The following CDC45 variants were observed in gnomAD, a reference collection of about 807,000 sequenced individuals.
CDC45 encodes cell division control protein 45 homolog.
CDC45 carries 54 observed loss-of-function variants against 77.8 expected under a neutral mutation model. The ratio of observed to expected loss-of-function variants is 0.69; its 90% CI spans 0.56 to 0.87. The LOEUF is 0.87. Ranked by LOEUF, CDC45 falls within the 40% of genes least tolerant of loss-of-function variation. CDC45 has a pLI of 0.00. For synonymous variants in CDC45, 260 were observed against 272.1 expected (o/e 0.96, Z 0.44); for missense variants, 649 against 721.6 (o/e 0.90, Z 1.15).
At chr22:19,496,079 A>G in intron 7 of CDC45, 50 bp downstream of exon 7, 4 of 1,242,726 alleles carry the variant, frequency 3.2e-6, no homozygotes, top group East Asian at 2.3e-5. Context: ...TCCAGGGGTC[A>G]GTGTCCTCAA....
intron 13 of CDC45, among the ~76,000 whole-genome samples, chr22:19,509,330 G>A (rs1933389501): frequency 6.6e-6 from 1 of 152,202 alleles, no homozygotes; most frequent in Admixed American, 6.5e-5. Context: ...AAGCTAGCTT[G>A]GAAACAATTC....
intron 9 of CDC45, among the ~76,000 whole-genome samples, chr22:19,504,342 C>A (rs1027157431): frequency 4.1e-4 from 62 of 152,142 alleles, no homozygotes; most frequent in African/African-American, 1.4e-3. Context: ...TCTTGTTGCC[C>A]AGGCTGCAGT....
At chr22:19,506,459 A>G (rs1933180670) in intron 10 of CDC45, among the ~76,000 whole-genome samples, 1 of 152,022 alleles carries the variant, frequency 6.6e-6, no homozygotes, top group South Asian at 2.1e-4. Flanking sequence ...GGCAGGGAGC[A>G]TGGTGGTCTG....
rs917210195 is a variant in CDC45 at position 19,505,357 on chromosome 22, T to TC, written c.705-3dup. The TC allele has an allele frequency of 6.2e-7, 1 of 1,613,878 alleles. No homozygotes were observed. Among genetic ancestry groups the TC allele is most frequent in the Non-Finnish European group, 8.5e-7 (1 of 1,180,016 alleles). The stretch of plus-strand genomic sequence containing the variant: ...AGCCGAGGCTTGTGCTACTTTTTTT[T>TC]CCAGAATGAAATACGTGACTGATGT... On this transcript the variant is annotated splice_region_variant and splice_polypyrimidine_tract_variant and intron_variant, in intron 9 of 18. Coordinates refer to ENST00000263201, the MANE Select transcript of CDC45 (RefSeq NM_003504.5).
chr22:19,487,235 T>C (rs1048170345), intron 5 of CDC45, among the ~76,000 whole-genome samples: 1 of 140,070 alleles, frequency 7.1e-6, no homozygotes, highest in Admixed American at 7.9e-5. Flanking sequence ...GAGGTTGTAG[T>C]GGGCCAAGAT....
intron 3 of CDC45, among the ~76,000 whole-genome samples, chr22:19,482,224 C>T (rs1256353923): frequency 6.6e-6 from 1 of 152,094 alleles, no homozygotes; most frequent in Non-Finnish European, 1.5e-5. Flanking sequence ...AGGACCCGCA[C>T]CAGCTTGGTA....
At chr22:19,517,938 A>G (rs970984758) in intron 17 of CDC45, among the ~76,000 whole-genome samples, 51 of 152,224 alleles carry the variant, frequency 3.4e-4, no homozygotes, top group African/African-American at 1.2e-3. Flanking sequence ...TTCTTGCCTC[A>G]TCACCACGGA....
intron 10 of CDC45, among the ~76,000 whole-genome samples, chr22:19,505,694 C>T (rs557473001): frequency 6.6e-5 from 10 of 152,354 alleles, no homozygotes; most frequent in African/African-American, 2.4e-4. Context: ...AAGTATCACC[C>T]TTCTCCAGCA....
intron 9 of CDC45, among the ~76,000 whole-genome samples, chr22:19,500,836 A>G (rs1384052110): frequency 6.6e-6 from 1 of 152,128 alleles, no homozygotes; most frequent in Non-Finnish European, 1.5e-5. Flanking sequence ...TCTCAGTGTA[A>G]CAGGTCTGTT....
rs765624313 is a variant in CDC45 at position 19,518,815 on chromosome 22, T to C, written c.1637-29T>C. On this transcript the variant is annotated intron_variant, in intron 17 of 18. Coordinates refer to ENST00000263201, the MANE Select transcript of CDC45 (RefSeq NM_003504.5). ...GTCTTGTGTTCCCACTCCTCCCTTC[T>C]CACGGCTGTTTTTCTTTCATTACTT... 3.7e-6 allele frequency: 6 copies of C among 1,603,090 alleles called. No individual in the cohort carries two copies. In the East Asian group the frequency reaches 1.3e-4, roughly 36 times the overall value.
chr22:19,500,756 A>G (rs751798960), intron 9 of CDC45, among the ~76,000 whole-genome samples: 2 of 152,120 alleles, frequency 1.3e-5, no homozygotes, highest in Admixed American at 1.3e-4. Context: ...GATGGATTGA[A>G]GATCTCCTCC....
At chr22:19,509,770 C>T (rs1348029837) in intron 13 of CDC45, among the ~76,000 whole-genome samples, 5 of 152,172 alleles carry the variant, frequency 3.3e-5, no homozygotes, top group African/African-American at 4.8e-5. Flanking sequence ...GCTTTTCTGG[C>T]TTCACAGAGC....
At chr22:19,479,774 C>G (rs4141528), upstream of CDC45, 26,998 of 656,392 alleles carry the variant, frequency 0.041, 1,074 homozygotes, top group East Asian at 0.11. Context: ...CTGGAGTTTT[C>G]TGGCCGTGAA....
intron 9 of CDC45, among the ~76,000 whole-genome samples, chr22:19,500,152 GT>G (rs2090314948): frequency 6.6e-6 from 1 of 152,194 alleles, no homozygotes; most frequent in South Asian, 2.1e-4. Flanking sequence ...AAACACCATG[GT>G]GTATGCACTG....
At chr22:19,513,840 T>C (rs13447270) in intron 13 of CDC45, among the ~76,000 whole-genome samples, 18,446 of 152,298 alleles carry the variant, frequency 0.12, 1,421 homozygotes, top group East Asian at 0.22. Flanking sequence ...CTTTTCAGGC[T>C]TCCTGGAATG....
At chr22:19,497,259 G>A (rs1319993327) in intron 7 of CDC45, 127 bp from the exon 8 acceptor site, 1 of 772,840 alleles carries the variant, frequency 1.3e-6, no homozygotes, top group Non-Finnish European at 2.3e-6. Context: ...CACATGCCCT[G>A]GCCAGGTAGA....
rs552597076 is a variant in CDC45, at chr22:19,489,873, G to A, written c.487-4454G>A. 6.6e-5 allele frequency among the ~76,000 whole-genome samples: 10 copies of A among 152,270 alleles called. No individual in the cohort carries two copies. In the South Asian group the frequency reaches 8.3e-4, roughly 13 times the overall value. On this transcript the variant is annotated intron_variant, in intron 5 of 18. Transcript: ENST00000263201. ...GTAATACTTTCAACTCTTCAGAAAG[G>A]GACATTGAAGACCCCAACTCTGATT... is the stretch of plus-strand genomic sequence containing the variant.
chr22:19,514,893 G>C lies in CDC45; in HGVS notation c.1356+6G>C, dbSNP rs372316748. 5 of 1,614,086 alleles carry C rather than the reference G, an allele frequency of 3.1e-6. No individual in the cohort carries two copies. The African/African-American group carries it at 4.0e-5, about 13-fold the overall frequency. On this transcript the variant is annotated splice_donor_region_variant and intron_variant, in intron 14 of 18. Transcript: ENST00000263201. The stretch of plus-strand genomic sequence containing the variant: ...TGTACTGCTCTCTCATGGAGGTCAG[G>C]CTTCCCACAGAGCACAGGCGCCTGG...
At chr22:19,479,696 G>A (rs13447179), upstream of CDC45, 13 of 691,886 alleles carry the variant, frequency 1.9e-5, no homozygotes, top group African/African-American at 2.3e-4. Context: ...GGGTAAAAGC[G>A]AGTCAGAGTT....
Sources: gnomAD v4.1 joint callset for allele counts (sites outside exome capture counted in the v4.1 genomes callset) on GRCh38, gnomAD v4.1.1 for gene constraint, MANE v1.5 for transcripts, NCBI Gene and HGNC (gene_info 2026-07-23, HGNC 2026-07-21) for gene names.